Variants in JAKMIP1 observed in about 807,000 individuals in gnomAD.
JAKMIP1 encodes janus kinase and microtubule interacting protein 1, also known as janus kinase and microtubule-interacting protein 1.
JAKMIP1 carries 33 observed loss-of-function variants against 113.0 expected under a neutral mutation model. The ratio of observed to expected loss-of-function variants is 0.29; its 90% CI spans 0.22 to 0.39. JAKMIP1 has a LOEUF of 0.39. Ranked by LOEUF, JAKMIP1 falls within the 10% of genes least tolerant of loss-of-function variation. The probability of loss-of-function intolerance (pLI) is 1.00; values close to 1 mark genes in which losing one functional copy is unlikely to be tolerated. For synonymous variants in JAKMIP1, 480 were observed against 459.9 expected, an observed-to-expected ratio of 1.04 and a Z score of -0.56; for missense variants, 813 against 1,080.5, an observed-to-expected ratio of 0.75 and a Z score of 3.47.
At chr4:6,103,481 T>C (rs1201174758) in intron 3 of JAKMIP1, among the ~76,000 whole-genome samples, 1 of 152,230 alleles carries the variant, frequency 6.6e-6, no homozygotes, top group Non-Finnish European at 1.5e-5. Flanking sequence ...TCCTGTAATG[T>C]TATTGCTTTT....
rs1437949276 is a variant in JAKMIP1 at position 6,061,043 on chromosome 4, T to C, written c.1561-536A>G. ...CTGGGTGTGGGGTAACAGGGAGTGGTGGGGACTGTGGCAAGCCAGAGGCAC... is the reference window on the plus strand; with the variant it reads ...CTGGGTGTGGGGTAACAGGGAGTGGCGGGGACTGTGGCAAGCCAGAGGCAC... On this transcript the variant is annotated intron_variant, in intron 10 of 20. Coordinates refer to ENST00000409021, the MANE Select transcript of JAKMIP1 (RefSeq NM_001099433.2). The surrounding 1 kb of genome is among the most constrained non-coding windows in gnomAD (Gnocchi z 5.3). Among the ~76,000 whole-genome samples, 3 of 152,246 alleles carry C rather than the reference T, an allele frequency of 2.0e-5. No individual in the cohort carries two copies. In the East Asian group the frequency reaches 5.8e-4, roughly 29 times the overall value.
At chr4:6,112,624 C>G (rs1313567716) in intron 2 of JAKMIP1, 98 bp downstream of exon 2, 5 of 1,447,396 alleles carry the variant, frequency 3.5e-6, no homozygotes, top group Admixed American at 3.6e-5. Flanking sequence ...CCTCGGCCCC[C>G]CTCCTGGAAC....
intron 1 of JAKMIP1, among the ~76,000 whole-genome samples, chr4:6,133,806 G>T (rs913733552): frequency 6.6e-6 from 1 of 152,176 alleles, no homozygotes; most frequent in African/African-American, 2.4e-5. Flanking sequence ...CATATGACTA[G>T]ACCTGACCTG....
chr4:6,113,668 G>A lies in JAKMIP1; in HGVS notation c.-147-671C>T, dbSNP rs147953297. On this transcript the variant is annotated intron_variant, in intron 1 of 20. Coordinates refer to ENST00000409021, the MANE Select transcript of JAKMIP1 (RefSeq NM_001099433.2). ...CTGATCAAGGTCCACAGCTGGAAGC[G>A]GGTGAGCCAGGACTGAGCCTAATCA... is the stretch of plus-strand genomic sequence containing the variant. Among the ~76,000 whole-genome samples the A allele has an allele frequency of 9.8e-3, 1,488 of 152,326 alleles. 7 individuals carry two copies. The highest frequency in any genetic ancestry group is 0.02 in the Middle Eastern group (6 of 294).
chr4:6,075,476 A>T (rs1284774554), intron 8 of JAKMIP1, among the ~76,000 whole-genome samples: 1 of 152,224 alleles, frequency 6.6e-6, no homozygotes. Context: ...CTTGGTCCAC[A>T]CGGAAGTCTA....
Position 6,058,043 on chromosome 4 carries a change from T to A in JAKMIP1, c.1645-1284A>T, listed in dbSNP as rs1469138096. Among the ~76,000 whole-genome samples the A allele has an allele frequency of 2.0e-5, 3 of 152,256 alleles. No individual in the cohort carries two copies. In the East Asian group the frequency reaches 5.8e-4, roughly 29 times the overall value. On this transcript the variant is annotated intron_variant, in intron 11 of 20. Coordinates refer to ENST00000409021, the MANE Select transcript of JAKMIP1 (RefSeq NM_001099433.2). ...TTGTTACTCAGCAACAGCAAACTGATTCAGCGTCCCAGGTACCAGCACTGG... is the reference window on the plus strand; with the variant it reads ...TTGTTACTCAGCAACAGCAAACTGAATCAGCGTCCCAGGTACCAGCACTGG...
rs573517329 is a variant in JAKMIP1 at position 6,105,734 on chromosome 4, G to A, written c.363C>T (p.Arg121=). 3.1e-6 allele frequency: 5 copies of A among 1,601,574 alleles called. No homozygotes were observed. The highest frequency in any genetic ancestry group is 3.4e-5 in the Admixed American group (2 of 59,646). The change falls in exon 3 of 21, where the codon CGC becomes CGT. Residue 121 remains arginine, a synonymous_variant. Transcript: ENST00000409021. ...QRLQATLNVL[R]DGAADKVKTA... Reference sequence around the variant, plus strand: ...TCTTGACCTTGTCGGCCGCGCCGTCGCGCAGCACGTTCAGCGTGGCCTGCA... The same window carrying A: ...TCTTGACCTTGTCGGCCGCGCCGTCACGCAGCACGTTCAGCGTGGCCTGCA...
intron 1 of JAKMIP1, among the ~76,000 whole-genome samples, chr4:6,114,455 G>A (rs1715436050): frequency 6.6e-6 from 1 of 152,172 alleles, no homozygotes; most frequent in Non-Finnish European, 1.5e-5. Context: ...CCCAGGGATG[G>A]TCTGGGGTGG....
intron 2 of JAKMIP1, among the ~76,000 whole-genome samples, chr4:6,111,601 G>T (rs1714943141): frequency 6.6e-6 from 1 of 152,216 alleles, no homozygotes; most frequent in African/African-American, 2.4e-5. Context: ...AGGTTTCGGA[G>T]ACTTTTAGTC....
Position 6,105,944 on chromosome 4 carries a change from C to T in JAKMIP1, c.153G>A (p.Leu51=). The T allele has an allele frequency of 1.9e-6, 3 of 1,604,702 alleles. No individual in the cohort carries two copies. The highest frequency in any genetic ancestry group is 2.5e-6 in the Non-Finnish European group (3 of 1,176,606). ...GCTCGCGCTCCAGCTTCGCCTCCTG[C>T]AGCCGCTCGCGCAGTTTGCCCACCT... ...KSKVGKLRER[L]QEAKLEREQE... is the part of the protein sequence containing the mutation. The change falls in exon 3 of 21, where the codon CTG becomes CTA. Residue 51 remains leucine (L), a synonymous_variant. Coordinates refer to ENST00000409021, the MANE Select transcript of JAKMIP1 (RefSeq NM_001099433.2).
intron 1 of JAKMIP1, among the ~76,000 whole-genome samples, chr4:6,195,875 C>T (rs1453063475): frequency 6.6e-6 from 1 of 152,238 alleles, no homozygotes; most frequent in African/African-American, 2.4e-5. Context: ...AATGCAGCCA[C>T]AGACCATACA....
rs1254331787 is a variant in JAKMIP1, at chr4:6,136,931, T to C, written c.-147-23934A>G. On this transcript the variant is annotated intron_variant, in intron 1 of 20. Coordinates refer to ENST00000409021, the MANE Select transcript of JAKMIP1 (RefSeq NM_001099433.2). The surrounding 1 kb of genome is among the most constrained non-coding windows in gnomAD (Gnocchi z 5.9). The stretch of plus-strand genomic sequence containing the variant: ...CAAGCGCATGGGATTCCACTGACCA[T>C]GCCATTGTACAGATGAGGAAACTGA... 6.6e-6 allele frequency among the ~76,000 whole-genome samples: 1 copy of C among 152,162 alleles called. No homozygotes were observed. Among genetic ancestry groups the C allele is most frequent in the African/African-American group, 2.4e-5 (1 of 41,436 alleles).
At chr4:6,119,770 G>C (rs1454919397) in intron 1 of JAKMIP1, among the ~76,000 whole-genome samples, 2 of 152,194 alleles carry the variant, frequency 1.3e-5, no homozygotes, top group Non-Finnish European at 2.9e-5. Flanking sequence ...CCTGCAAGGT[G>C]AGATCAGAAG....
At chr4:6,104,743 G>A (rs1713616665) in intron 3 of JAKMIP1, among the ~76,000 whole-genome samples, 1 of 152,218 alleles carries the variant, frequency 6.6e-6, no homozygotes, top group Non-Finnish European at 1.5e-5. Flanking sequence ...TCCAGTGAGG[G>A]CATGGGAGCT....
chr4:6,102,682 T>A (rs1221892140), intron 3 of JAKMIP1, among the ~76,000 whole-genome samples: 2 of 149,144 alleles, frequency 1.3e-5, no homozygotes, highest in African/African-American at 2.4e-5. Flanking sequence ...CCATAGCACC[T>A]GCAAATAATG....
At chr4:6,177,266 A>T (rs1725451237) in intron 1 of JAKMIP1, among the ~76,000 whole-genome samples, 1 of 152,182 alleles carries the variant, frequency 6.6e-6, no homozygotes. Flanking sequence ...AGGCCATCTG[A>T]TCCGACCTCC....
intron 1 of JAKMIP1, among the ~76,000 whole-genome samples, chr4:6,145,341 C>A (rs1413223818): frequency 6.6e-6 from 1 of 152,136 alleles, no homozygotes; most frequent in Non-Finnish European, 1.5e-5. Context: ...AAGTAACCTG[C>A]CCAAGTCACA....
At position 6,137,458 on chromosome 4, in the gene JAKMIP1, G is replaced by A. The variant is rs759301777; in HGVS notation, c.-147-24461C>T. The stretch of plus-strand genomic sequence containing the variant: ...CACCTGATACAGTTCCTGAAAAGTC[G>A]TCTCACACCCTGGGTGACAGCAGAC... On this transcript the variant is annotated intron_variant, in intron 1 of 20. Coordinates refer to ENST00000409021, the MANE Select transcript of JAKMIP1 (RefSeq NM_001099433.2). The surrounding 1 kb of genome is among the most constrained non-coding windows in gnomAD (Gnocchi z 4.5). Among the ~76,000 whole-genome samples, 10 of 152,192 alleles carry A rather than the reference G, an allele frequency of 6.6e-5. No homozygotes were observed. Among genetic ancestry groups the A allele is most frequent in the African/African-American group, 1.2e-4 (5 of 41,460 alleles).
chr4:6,066,201 C>A (rs1718053626), intron 8 of JAKMIP1, among the ~76,000 whole-genome samples: 1 of 151,998 alleles, frequency 6.6e-6, no homozygotes, highest in Non-Finnish European at 1.5e-5. Flanking sequence ...AAGGGCCCCT[C>A]CCAGCCTGAG....
Sources: gnomAD v4.1 joint callset for allele counts (sites outside exome capture counted in the v4.1 genomes callset) on GRCh38, gnomAD v4.1.1 for gene constraint, Gnocchi (gnomAD v3.1) non-coding constraint, MANE v1.5 for transcripts, NCBI Gene and HGNC (gene_info 2026-07-23, HGNC 2026-07-21) for gene names.